EXOC4: variants seen among roughly 807,000 people sequenced by gnomAD.
EXOC4 encodes SEC8-like 1.
EXOC4 carries 71 observed loss-of-function variants against 107.2 expected under a neutral mutation model. The observed-to-expected ratio is 0.66, with a 90% CI of 0.55 to 0.81. The LOEUF is 0.81. Among genes scored for constraint, EXOC4 ranks in the 30% least tolerant of loss-of-function variants. The pLI is 0.00. For synonymous variants in EXOC4, 456 were observed against 441.2 expected, an observed-to-expected ratio of 1.03 and a Z score of -0.42; for missense variants, 1,108 against 1,189.6, an observed-to-expected ratio of 0.93 and a Z score of 1.01.
chr7:133,620,820 G>C (rs1209653409), intron 9 of EXOC4, among the ~76,000 whole-genome samples: 1 of 152,186 alleles, frequency 6.6e-6, no homozygotes, highest in Admixed American at 6.5e-5. Flanking sequence ...TGGAGAATCA[G>C]TTAAAGAGTG....
At chr7:133,733,057 G>A (rs1053443532) in intron 10 of EXOC4, 7 of 191,096 alleles carry the variant, frequency 3.7e-5, no homozygotes, top group Admixed American at 2.9e-4. Flanking sequence ...CTTGACTGCA[G>A]ATCAGCAAGG....
intron 4 of EXOC4, among the ~76,000 whole-genome samples, chr7:133,314,595 T>C (rs1563014435): frequency 2.0e-5 from 3 of 152,200 alleles, no homozygotes; most frequent in Non-Finnish European, 2.9e-5. Context: ...AGGTTAAAAC[T>C]GAGAAAATAA....
chr7:134,089,486 G>A, the EXOC4 span, among the ~76,000 whole-genome samples: 5 of 152,308 alleles, frequency 3.3e-5, no homozygotes, highest in South Asian at 1.0e-3. Context: ...AGGACCCACA[G>A]AAGTGCAGAT....
intron 4 of EXOC4, among the ~76,000 whole-genome samples, chr7:133,306,535 A>G (rs1325297635): frequency 6.6e-6 from 1 of 151,940 alleles, no homozygotes. Flanking sequence ...CTGTCTCTAC[A>G]AAAAAAGGGC....
intron 10 of EXOC4, among the ~76,000 whole-genome samples, chr7:133,683,902 A>C (rs1401347736): frequency 6.6e-6 from 1 of 152,198 alleles, no homozygotes; most frequent in Non-Finnish European, 1.5e-5. Flanking sequence ...AAAATAAAAG[A>C]CCTAGAAAAT....
intron 10 of EXOC4, among the ~76,000 whole-genome samples, chr7:133,738,956 A>T (rs1045912335): frequency 6.6e-6 from 1 of 152,186 alleles, no homozygotes; most frequent in Admixed American, 6.5e-5. Flanking sequence ...TGTAGCTGTG[A>T]AGAGAGCGAA....
At chr7:134,008,771 G>A (rs998794623) in intron 17 of EXOC4, among the ~76,000 whole-genome samples, 1 of 149,234 alleles carries the variant, frequency 6.7e-6, no homozygotes, top group African/African-American at 2.5e-5. Flanking sequence ...TGGGACTAAA[G>A]GCGAACACCA....
intron 3 of EXOC4, among the ~76,000 whole-genome samples, chr7:133,292,389 A>G (rs1794427661): frequency 6.6e-6 from 1 of 152,206 alleles, no homozygotes; most frequent in African/African-American, 2.4e-5. Context: ...AATGCTTAGC[A>G]ATATATATAG....
chr7:134,023,478 A>C (rs1053011337), intron 17 of EXOC4, among the ~76,000 whole-genome samples: 2 of 152,072 alleles, frequency 1.3e-5, no homozygotes, highest in Non-Finnish European at 2.9e-5. Flanking sequence ...TGAATTGAGT[A>C]TTTATTTTGT....
Position 133,356,508 on chromosome 7 carries a change from T to G in EXOC4, c.942T>G (p.Ser314=), listed in dbSNP as rs761147075. 1.2e-6 allele frequency: 2 copies of G among 1,613,996 alleles called. No individual in the cohort carries two copies. The highest frequency in any genetic ancestry group is 1.7e-5 in the Admixed American group (1 of 59,990). ...AGTTGAAGCAAATTGTGAAGAGGTC[T>G]ACAACCCAGGTGGCAGACAGTGGCT... ...EQELKQIVKR[S]TTQVADSGYQ... is the part of the protein sequence containing the mutation. The change falls in exon 6 of 18, where the codon TCT becomes TCG. Residue 314 remains serine (S), a synonymous_variant. Transcript: ENST00000253861.
chr7:133,406,870 A>C (rs996827609), intron 7 of EXOC4, among the ~76,000 whole-genome samples: 16 of 152,216 alleles, frequency 1.1e-4, no homozygotes, highest in African/African-American at 3.4e-4. Flanking sequence ...ACAGAGAGTG[A>C]GAGGGGACAG....
At chr7:133,949,244 A>G (rs1800629555) in intron 14 of EXOC4, among the ~76,000 whole-genome samples, 1 of 152,220 alleles carries the variant, frequency 6.6e-6, no homozygotes, top group Non-Finnish European at 1.5e-5. Flanking sequence ...TTATACAATA[A>G]AAGATTTCCT....
chr7:133,810,119 G>A (rs949772045), intron 10 of EXOC4, among the ~76,000 whole-genome samples: 1 of 152,112 alleles, frequency 6.6e-6, no homozygotes, highest in Non-Finnish European at 1.5e-5. Context: ...TGAATGTAAG[G>A]AATACTTATT....
At chr7:133,732,706 A>G (rs926291752) in intron 10 of EXOC4, 1 of 154,838 alleles carries the variant, frequency 6.5e-6, no homozygotes, top group East Asian at 1.9e-4. Flanking sequence ...ATATTTTGCA[A>G]TGCTGTCCGA....
intron 7 of EXOC4, among the ~76,000 whole-genome samples, chr7:133,429,380 T>G (rs1300352623): frequency 5.9e-5 from 9 of 152,236 alleles, no homozygotes; most frequent in African/African-American, 1.9e-4. Flanking sequence ...AAATTGATTC[T>G]GTTACGTATT....
chr7:133,425,337 G>A (rs1055417946), intron 7 of EXOC4, among the ~76,000 whole-genome samples: 1 of 152,118 alleles, frequency 6.6e-6, no homozygotes, highest in African/African-American at 2.4e-5. Context: ...ACCTAGGCTG[G>A]AGTGCAATGG....
At chr7:133,637,536 A>G (rs1802741770) in intron 10 of EXOC4, among the ~76,000 whole-genome samples, 1 of 152,210 alleles carries the variant, frequency 6.6e-6, no homozygotes. Flanking sequence ...CCTAGCAAAT[A>G]ATGTTGTAGA....
chr7:134,084,110 G>T, the EXOC4 span, among the ~76,000 whole-genome samples: 1 of 152,168 alleles, frequency 6.6e-6, no homozygotes, highest in Non-Finnish European at 1.5e-5. Context: ...AAGGCCGTTT[G>T]CTGTGAAAGA....
At chr7:133,867,008 G>T (rs560605687) in intron 11 of EXOC4, among the ~76,000 whole-genome samples, 54 of 152,112 alleles carry the variant, frequency 3.6e-4, no homozygotes, top group Middle Eastern at 3.2e-3. Flanking sequence ...AAAACTTTTG[G>T]CTCTGCTGTG....
Sources: gnomAD v4.1 joint callset for allele counts (sites outside exome capture counted in the v4.1 genomes callset) on GRCh38, gnomAD v4.1.1 for gene constraint, MANE v1.5 for transcripts, NCBI Gene and HGNC (gene_info 2026-07-23, HGNC 2026-07-21) for gene names.